Variants in PRKN observed in about 807,000 individuals in gnomAD.
PRKN encodes E3 ubiquitin-protein ligase parkin.
A neutral mutation model predicts 59.5 loss-of-function variants in PRKN; 56 were observed. The ratio of observed to expected loss-of-function variants is 0.94; its 90% CI spans 0.76 to 1.18. PRKN has a LOEUF of 1.18. Ranked by LOEUF, PRKN falls within the 50% of genes most tolerant of loss-of-function variation. PRKN has a pLI of 0.00. For synonymous variants in PRKN, 250 were observed against 222.1 expected (o/e 1.13, Z -1.12); for missense variants, 657 against 596.4 (o/e 1.10, Z -1.06).
chr6:161,660,575 CTGAT>C (rs930626378), intron 7 of PRKN, among the ~76,000 whole-genome samples: 2 of 152,134 alleles, frequency 1.3e-5, no homozygotes, highest in Non-Finnish European at 1.5e-5. Context: ...AGAAAGGAGT[CTGAT>C]TGTGAACAAA....
intron 7 of PRKN, among the ~76,000 whole-genome samples, chr6:161,746,774 T>C (rs1788446285): frequency 6.9e-6 from 1 of 145,010 alleles, no homozygotes; most frequent in Admixed American, 6.8e-5. Context: ...TAGATATATA[T>C]GTCTATATCT....
chr6:162,394,590 C>G (rs576569387), intron 2 of PRKN, among the ~76,000 whole-genome samples: 1 of 152,110 alleles, frequency 6.6e-6, no homozygotes, highest in Admixed American at 6.5e-5. Flanking sequence ...AAAGGCTTCC[C>G]GGTAGAAATT....
intron 4 of PRKN, among the ~76,000 whole-genome samples, chr6:162,117,494 G>A (rs1317269805): frequency 6.6e-6 from 1 of 152,204 alleles, no homozygotes; most frequent in Non-Finnish European, 1.5e-5. Context: ...TCCAAGCCAA[G>A]TCTCCCTCAG....
At chr6:161,941,907 G>A (rs1271556058) in intron 6 of PRKN, among the ~76,000 whole-genome samples, 1 of 152,180 alleles carries the variant, frequency 6.6e-6, no homozygotes, top group Non-Finnish European at 1.5e-5. Context: ...CAATTTTAGG[G>A]TAAAATAGAA....
intron 1 of PRKN, among the ~76,000 whole-genome samples, chr6:162,565,862 T>C (rs1780054046): frequency 6.6e-6 from 1 of 152,002 alleles, no homozygotes; most frequent in Non-Finnish European, 1.5e-5. Context: ...AAGATCCACA[T>C]AGATTGAAAA....
chr6:162,269,956 T>TA (rs1780303046), intron 2 of PRKN: 2 of 152,158 alleles, frequency 1.3e-5, no homozygotes, highest in South Asian at 4.1e-4. Context: ...CAGAAAATAG[T>TA]GTGGAGATTC....
At chr6:162,433,012 C>T (rs1186848484) in intron 2 of PRKN, among the ~76,000 whole-genome samples, 1 of 152,162 alleles carries the variant, frequency 6.6e-6, no homozygotes, top group African/African-American at 2.4e-5. Flanking sequence ...ATTCTGTTCT[C>T]AGTTAGTTCA....
At chr6:161,676,051 G>C (rs1785073344) in intron 7 of PRKN, among the ~76,000 whole-genome samples, 1 of 152,112 alleles carries the variant, frequency 6.6e-6, no homozygotes, top group African/African-American at 2.4e-5. Flanking sequence ...GTCCTAAATG[G>C]GTAGTACTCG....
intron 4 of PRKN, among the ~76,000 whole-genome samples, chr6:162,152,280 C>A (rs1474907866): frequency 6.6e-6 from 1 of 152,118 alleles, no homozygotes; most frequent in Non-Finnish European, 1.5e-5. Flanking sequence ...ATGTGTGTCT[C>A]CCAAATTTTC....
intron 6 of PRKN, among the ~76,000 whole-genome samples, chr6:161,954,181 G>A (rs573593387): frequency 4.6e-5 from 7 of 152,154 alleles, no homozygotes; most frequent in Non-Finnish European, 8.8e-5. Flanking sequence ...TAGCTGAAAC[G>A]TAGCTTCTAT....
intron 5 of PRKN, among the ~76,000 whole-genome samples, chr6:162,020,355 A>AC (rs1313447412): frequency 2.0e-5 from 3 of 149,584 alleles, no homozygotes; most frequent in Non-Finnish European, 4.5e-5. Flanking sequence ...AAAAAAAAAA[A>AC]AAACAGATAA....
At chr6:161,490,316 G>C (rs946124091) in intron 9 of PRKN, among the ~76,000 whole-genome samples, 1 of 25,864 alleles carries the variant, frequency 3.9e-5, no homozygotes, top group African/African-American at 6.5e-5. Flanking sequence ...TTTCTTGCTT[G>C]CTTGCTTGCT....
intron 3 of PRKN, among the ~76,000 whole-genome samples, chr6:162,202,257 A>G (rs1259604208): frequency 2.0e-5 from 3 of 152,106 alleles, no homozygotes; most frequent in Non-Finnish European, 4.4e-5. Flanking sequence ...CATATGATCT[A>G]TTAAAAACAA....
At chr6:161,702,986 G>T (rs1391628010) in intron 7 of PRKN, among the ~76,000 whole-genome samples, 1 of 117,396 alleles carries the variant, frequency 8.5e-6, no homozygotes, top group Non-Finnish European at 1.8e-5. Flanking sequence ...ACCTACCAAA[G>T]AATTTAAATA....
chr6:161,950,292 C>A (rs1043976467), intron 6 of PRKN, among the ~76,000 whole-genome samples: 6 of 152,148 alleles, frequency 3.9e-5, no homozygotes, highest in African/African-American at 1.4e-4. Flanking sequence ...TGCCTGTAAT[C>A]CCAGCACTTT....
intron 5 of PRKN, among the ~76,000 whole-genome samples, chr6:162,025,217 G>GTTAGCCAGGA (rs1562468543): frequency 5.3e-5 from 8 of 151,754 alleles, no homozygotes; most frequent in African/African-American, 1.7e-4. Flanking sequence ...GGGTTTCACC[G>GTTAGCCAGGA]TGGTCTCGAT....
At chr6:162,675,396 T>C (rs1052373968) in intron 1 of PRKN, among the ~76,000 whole-genome samples, 1 of 151,504 alleles carries the variant, frequency 6.6e-6, no homozygotes, top group Non-Finnish European at 1.5e-5. Context: ...AACAAGGAGG[T>C]GATGATATTC....
At chr6:161,408,620 G>T (rs1787387201) in intron 9 of PRKN, among the ~76,000 whole-genome samples, 1 of 151,858 alleles carries the variant, frequency 6.6e-6, no homozygotes, top group African/African-American at 2.4e-5. Flanking sequence ...CAGGGGGTCG[G>T]CGAGGCTGAT....
intron 2 of PRKN, among the ~76,000 whole-genome samples, chr6:162,294,265 C>T (rs1428555891): frequency 1.3e-5 from 2 of 152,116 alleles, no homozygotes; most frequent in African/African-American, 2.4e-5. Flanking sequence ...TGGCCCCATT[C>T]TCCTCCTTCC....
Sources: gnomAD v4.1 joint callset for allele counts (sites outside exome capture counted in the v4.1 genomes callset) on GRCh38, gnomAD v4.1.1 for gene constraint, MANE v1.5 for transcripts, NCBI Gene and HGNC (gene_info 2026-07-23, HGNC 2026-07-21) for gene names.